Variants in KALRN observed in about 807,000 individuals in gnomAD.
KALRN encodes kalirin.
Under a neutral mutation model 353.7 loss-of-function variants are expected in KALRN, and 70 were observed. The ratio of observed to expected loss-of-function variants is 0.20; its 90% CI spans 0.16 to 0.24. The LOEUF (loss-of-function observed/expected upper bound fraction) is 0.24, where lower values mean the gene tolerates loss of function less well. Among genes scored for constraint, KALRN ranks in the 10% least tolerant of loss-of-function variants. KALRN has a pLI of 1.00. For missense variants in KALRN, 2,791 were observed against 3,756.7 expected (o/e 0.74, Z 6.72); for synonymous variants, 1,391 against 1,434.8 (o/e 0.97, Z 0.69).
At chr3:124,421,700 G>T (rs1054193325) in intron 14 of KALRN, among the ~76,000 whole-genome samples, 2 of 152,104 alleles carry the variant, frequency 1.3e-5, no homozygotes, top group Non-Finnish European at 2.9e-5. Context: ...AAGGACTTTG[G>T]TTACTAAGGC....
At chr3:124,203,120 G>A (rs1436533927) in intron 1 of KALRN, among the ~76,000 whole-genome samples, 1 of 152,202 alleles carries the variant, frequency 6.6e-6, no homozygotes, top group African/African-American at 2.4e-5. Flanking sequence ...AGGATAGAGA[G>A]ATCATTTGTT....
At chr3:124,373,080 C>T (rs2086083540) in intron 10 of KALRN, among the ~76,000 whole-genome samples, 2 of 152,150 alleles carry the variant, frequency 1.3e-5, no homozygotes, top group African/African-American at 4.8e-5. Flanking sequence ...CCCTCATACC[C>T]CTTGGCCCTC....
chr3:124,424,971 C>A (rs7616243), intron 15 of KALRN, among the ~76,000 whole-genome samples: 3,977 of 152,224 alleles, frequency 0.026, 180 homozygotes, highest in African/African-American at 0.089. Context: ...TGCTGGCCCC[C>A]ACTCTTGCCA....
intron 1 of KALRN, among the ~76,000 whole-genome samples, chr3:124,048,981 T>G (rs1036385530): frequency 6.6e-6 from 1 of 152,212 alleles, no homozygotes; most frequent in Non-Finnish European, 1.5e-5. Context: ...GTAGGACAAC[T>G]GTAGGTTTGG....
At chr3:124,293,071 A>T (rs1280494445) in intron 5 of KALRN, among the ~76,000 whole-genome samples, 3 of 152,210 alleles carry the variant, frequency 2.0e-5, no homozygotes, top group Non-Finnish European at 2.9e-5. Context: ...TTTCCCAGAT[A>T]TAACAAGGTT....
intron 13 of KALRN, among the ~76,000 whole-genome samples, chr3:124,401,306 A>G (rs1200348524): frequency 6.6e-6 from 1 of 152,112 alleles, no homozygotes; most frequent in East Asian, 1.9e-4. Flanking sequence ...GGAGCTCAAG[A>G]CCAGCCTGGG....
chr3:124,553,528 G>A (rs2070806442), intron 33 of KALRN, among the ~76,000 whole-genome samples: 1 of 152,342 alleles, frequency 6.6e-6, no homozygotes, highest in Non-Finnish European at 1.5e-5. Flanking sequence ...TTGCAGGAAT[G>A]CCTGGGGCTT....
At chr3:124,694,763 C>T (rs906758993) in intron 53 of KALRN, among the ~76,000 whole-genome samples, 3 of 152,214 alleles carry the variant, frequency 2.0e-5, no homozygotes, top group Admixed American at 6.5e-5. Flanking sequence ...CCACGGTGCT[C>T]AGCACCACGT....
At position 124,720,114 on chromosome 3, in the gene KALRN, A is replaced by G. The variant is rs911217669; in HGVS notation, c.*644A>G. ...ATGACAAGTTTTTTTAGAGCATTTT[A>G]TAGATCTTGTATAGAAATCTTTTAC... On this transcript the variant is annotated 3_prime_UTR_variant, in exon 60 of 60. Coordinates refer to ENST00000682506, the MANE Select transcript of KALRN (RefSeq NM_001388419.1). The G allele has an allele frequency of 6.6e-6, 1 of 152,666 alleles. No individual in the cohort carries two copies. The highest frequency in any genetic ancestry group is 1.5e-5 in the Non-Finnish European group (1 of 68,038). The allele number at this position is 152,666 out of a possible 1,614,324, so 9.5% of individuals were successfully genotyped here. A position where few individuals can be genotyped will look rare whatever the true frequency, so the allele number is the denominator to read the frequency against.
intron 6 of KALRN, among the ~76,000 whole-genome samples, chr3:124,305,385 C>T (rs1343032011): frequency 6.6e-6 from 1 of 152,202 alleles, no homozygotes; most frequent in Non-Finnish European, 1.5e-5. Context: ...AAATTTCAAG[C>T]ATTGACTTCA....
Position 124,488,323 on chromosome 3 carries a change from T to A in KALRN, c.4396+8T>A. The A allele has an allele frequency of 1.3e-6, 2 of 1,566,256 alleles. No homozygotes were observed. The highest frequency in any genetic ancestry group is 8.8e-7 in the Non-Finnish European group (1 of 1,136,358). ...ATGTCAGCATGCTGGAAGGTAGCTG[T>A]CCTCCCAGCACTGGGGAAGCCTCCT... is the stretch of plus-strand genomic sequence containing the variant. On this transcript the variant is annotated splice_region_variant and intron_variant, in intron 29 of 59. Transcript: ENST00000682506.
intron 5 of KALRN, among the ~76,000 whole-genome samples, chr3:124,277,683 G>A (rs2074897283): frequency 6.6e-6 from 1 of 152,164 alleles, no homozygotes; most frequent in African/African-American, 2.4e-5. Context: ...GCCTGCAGGA[G>A]GAGTGTGGGT....
At chr3:124,251,098 G>A (rs1340997537) in intron 3 of KALRN, among the ~76,000 whole-genome samples, 4 of 152,214 alleles carry the variant, frequency 2.6e-5, no homozygotes, top group Non-Finnish European at 4.4e-5. Context: ...TTCAGAAAGT[G>A]GGTCTCTTCC....
At position 124,097,927 on chromosome 3, in the gene KALRN, T is replaced by C. The variant is rs180803173; in HGVS notation, c.73+64114T>C. Among the ~76,000 whole-genome samples the C allele has an allele frequency of 1.1e-4, 16 of 152,328 alleles. No homozygotes were observed. The East Asian group carries it at 3.1e-3, about 29-fold the overall frequency. On this transcript the variant is annotated intron_variant, in intron 1 of 59. Transcript: ENST00000682506. ...TGATTGTATTCTGTGCTTATAGACGTTGACTAAGGAGATGGTTGCTATGGT... is the reference window on the plus strand; with the variant it reads ...TGATTGTATTCTGTGCTTATAGACGCTGACTAAGGAGATGGTTGCTATGGT...
At chr3:124,432,707 C>T (rs2093326481) in intron 16 of KALRN, among the ~76,000 whole-genome samples, 1 of 152,188 alleles carries the variant, frequency 6.6e-6, no homozygotes, top group South Asian at 2.1e-4. Context: ...CTATATTCCA[C>T]ATGACTGCAT....
intron 1 of KALRN, among the ~76,000 whole-genome samples, chr3:124,034,340 C>T (rs2039201559): frequency 6.6e-6 from 1 of 152,172 alleles, no homozygotes; most frequent in African/African-American, 2.4e-5. Flanking sequence ...AGACATCGGT[C>T]TCGCCTGGTG....
chr3:124,684,203 T>C (rs1015836168), intron 51 of KALRN, among the ~76,000 whole-genome samples: 1 of 152,094 alleles, frequency 6.6e-6, no homozygotes, highest in Non-Finnish European at 1.5e-5. Context: ...AACTGGAAGG[T>C]GCTCTAGTTT....
intron 1 of KALRN, among the ~76,000 whole-genome samples, chr3:124,223,855 T>A (rs2078192206): frequency 6.6e-6 from 1 of 152,174 alleles, no homozygotes; most frequent in Admixed American, 6.5e-5. Context: ...AAATGATGAC[T>A]AGAAGCAATG....
Position 124,385,046 on chromosome 3 carries a change from G to A in KALRN, c.1962+10G>A, listed in dbSNP as rs1449735788. The stretch of plus-strand genomic sequence containing the variant: ...CACACACACCAAAGAGGTAAGGGGA[G>A]CTAGTGGAGAGAGGGCATTCTGTCC... On this transcript the variant is annotated intron_variant, in intron 11 of 59. Transcript: ENST00000682506. 6.4e-7 allele frequency: 1 copy of A among 1,574,282 alleles called. No homozygotes were observed. Among genetic ancestry groups the A allele is most frequent in the Admixed American group, 1.7e-5 (1 of 57,816 alleles).
Sources: gnomAD v4.1 joint callset for allele counts (sites outside exome capture counted in the v4.1 genomes callset) on GRCh38, gnomAD v4.1.1 for gene constraint, MANE v1.5 for transcripts, NCBI Gene and HGNC (gene_info 2026-07-23, HGNC 2026-07-21) for gene names.